The following LSAMP variants were observed in gnomAD, a reference collection of about 807,000 sequenced individuals.
LSAMP encodes limbic system associated membrane protein.
LSAMP carries 7 observed loss-of-function variants against 38.6 expected under a neutral mutation model. That is an observed-to-expected ratio of 0.18 (90% CI 0.10 to 0.34). The LOEUF (loss-of-function observed/expected upper bound fraction) is 0.34, where lower values mean the gene tolerates loss of function less well. Among genes scored for constraint, LSAMP ranks in the 10% least tolerant of loss-of-function variants. The pLI is 1.00. For missense variants in LSAMP, 313 were observed against 420.0 expected (o/e 0.75, Z 2.23); for synonymous variants, 154 against 166.8 (o/e 0.92, Z 0.59).
At chr3:116,133,091 G>A (rs1183499180) in intron 1 of LSAMP, among the ~76,000 whole-genome samples, 1 of 152,178 alleles carries the variant, frequency 6.6e-6, no homozygotes, top group Non-Finnish European at 1.5e-5. Flanking sequence ...ACAGGAAGCT[G>A]CAGAAAAAAG....
At chr3:116,434,813 G>C (rs2049326020) in intron 1 of LSAMP, among the ~76,000 whole-genome samples, 2 of 152,142 alleles carry the variant, frequency 1.3e-5, no homozygotes, top group South Asian at 4.1e-4. Flanking sequence ...GCCTCCCAAA[G>C]TGTTGGGATT....
intron 1 of LSAMP, among the ~76,000 whole-genome samples, chr3:116,292,250 T>C (rs2047276941): frequency 6.6e-6 from 1 of 152,172 alleles, no homozygotes; most frequent in Non-Finnish European, 1.5e-5. Context: ...AGTCCGTGCA[T>C]CAAGTCAACT....
chr3:116,444,473 C>A (rs2049478112), intron 1 of LSAMP, among the ~76,000 whole-genome samples: 1 of 150,246 alleles, frequency 6.7e-6, no homozygotes, highest in Admixed American at 6.6e-5. Flanking sequence ...CATAATCCAA[C>A]AACCTTTCTT....
chr3:116,204,542 A>G (rs6810008), intron 1 of LSAMP, among the ~76,000 whole-genome samples: 89,085 of 147,928 alleles, frequency 0.6, 27,566 homozygotes, highest in East Asian at 0.76. Context: ...TAGGTCTAAC[A>G]TTTAAGTCTT....
At chr3:116,209,309 T>C (rs2046119943) in intron 1 of LSAMP, among the ~76,000 whole-genome samples, 2 of 152,126 alleles carry the variant, frequency 1.3e-5, no homozygotes, top group Admixed American at 1.3e-4. Context: ...TGACACTCCC[T>C]AGTGAGATGA....
rs553857892 is a variant in LSAMP, at chr3:116,278,672, C to G, written c.155+166205G>C. Among the ~76,000 whole-genome samples the G allele has an allele frequency of 2.0e-5, 3 of 152,192 alleles. No individual in the cohort carries two copies. The South Asian group carries it at 6.2e-4, about 32-fold the overall frequency. On this transcript the variant is annotated intron_variant, in intron 1 of 6. Coordinates refer to ENST00000490035, the MANE Select transcript of LSAMP (RefSeq NM_002338.5). ...AACCCCTTTTGTGTCATGAAAATAT[C>G]TAGTAAAGTTAGCTCTTTTGATGAT...
intron 1 of LSAMP, among the ~76,000 whole-genome samples, chr3:116,225,118 C>A (rs28654844): frequency 0.064 from 9,616 of 151,170 alleles, 428 homozygotes; most frequent in Non-Finnish European, 0.087. Flanking sequence ...GTGGCCCCCA[C>A]AAAAGATATG....
At position 116,400,514 on chromosome 3, in the gene LSAMP, C is replaced by T. The variant is rs189192254; in HGVS notation, c.155+44363G>A. Reference sequence around the variant, plus strand: ...CTTTCTTGAGGTGGAGTTTCCCTCTCGTCACCCAGGCTGGAGTACAATGGC... The same window carrying T: ...CTTTCTTGAGGTGGAGTTTCCCTCTTGTCACCCAGGCTGGAGTACAATGGC... On this transcript the variant is annotated intron_variant, in intron 1 of 6. Coordinates refer to ENST00000490035, the MANE Select transcript of LSAMP (RefSeq NM_002338.5). Among the ~76,000 whole-genome samples, 577 of 145,636 alleles carry T rather than the reference C, an allele frequency of 4.0e-3. 4 individuals are homozygous for T. The highest frequency in any genetic ancestry group is 0.014 in the African/African-American group (546 of 39,980).
chr3:115,829,322 G>A (rs962753537), intron 6 of LSAMP, among the ~76,000 whole-genome samples: 15 of 152,122 alleles, frequency 9.9e-5, no homozygotes, highest in African/African-American at 3.6e-4. Flanking sequence ...TCCCGCTTGA[G>A]TCTCTAACCA....
chr3:116,224,271 C>A (rs41456847), intron 1 of LSAMP, among the ~76,000 whole-genome samples: 29,659 of 152,128 alleles, frequency 0.19, 2,952 homozygotes, highest in Admixed American at 0.24. Context: ...CTTAATTAGA[C>A]CCTTCACCCA....
intron 1 of LSAMP, among the ~76,000 whole-genome samples, chr3:116,173,422 A>T (rs922433113): frequency 6.6e-6 from 1 of 152,204 alleles, no homozygotes; most frequent in African/African-American, 2.4e-5. Context: ...ACAAAGATCC[A>T]TTAGAAAAAC....
intron 3 of LSAMP, among the ~76,000 whole-genome samples, chr3:115,935,822 C>T (rs1401407404): frequency 6.6e-6 from 1 of 152,126 alleles, no homozygotes; most frequent in African/African-American, 2.4e-5. Flanking sequence ...TGTCATGACA[C>T]TTCTTGGCTG....
intron 3 of LSAMP, among the ~76,000 whole-genome samples, chr3:115,928,408 A>G (rs1425217856): frequency 6.6e-6 from 1 of 152,224 alleles, no homozygotes; most frequent in Non-Finnish European, 1.5e-5. Context: ...GTGGATATGA[A>G]GAGAAGACAT....
intron 1 of LSAMP, among the ~76,000 whole-genome samples, chr3:116,250,698 C>CAAAAA (rs3974284): frequency 1.4e-5 from 2 of 141,884 alleles, no homozygotes; most frequent in African/African-American, 5.2e-5. Context: ...CTTGTATCTA[C>CAAAAA]AAAAAAAAAA....
chr3:116,142,044 A>C (rs1451039057), intron 1 of LSAMP, among the ~76,000 whole-genome samples: 1 of 152,034 alleles, frequency 6.6e-6, no homozygotes, highest in Non-Finnish European at 1.5e-5. Context: ...TCAGTGAGGC[A>C]AATCATGCTC....
intron 1 of LSAMP, among the ~76,000 whole-genome samples, chr3:116,375,722 T>C (rs924704165): frequency 6.7e-6 from 1 of 149,980 alleles, no homozygotes; most frequent in African/African-American, 2.4e-5. Flanking sequence ...ATAAAAATCA[T>C]CCTGAAATTA....
At chr3:115,900,512 C>CAA (rs5851983) in intron 3 of LSAMP, among the ~76,000 whole-genome samples, 50 of 74,236 alleles carry the variant, frequency 6.7e-4, no homozygotes, top group East Asian at 3.2e-3. Flanking sequence ...TGAGACTGTC[C>CAA]AAAAAAAAAA....
chr3:116,322,187 T>C (rs924980542), intron 1 of LSAMP, among the ~76,000 whole-genome samples: 9 of 152,316 alleles, frequency 5.9e-5, no homozygotes, highest in African/African-American at 2.2e-4. Context: ...TAGACACATC[T>C]GAGAGATTTC....
At chr3:116,346,096 T>C (rs924119126) in intron 1 of LSAMP, among the ~76,000 whole-genome samples, 7 of 152,168 alleles carry the variant, frequency 4.6e-5, no homozygotes, top group Non-Finnish European at 8.8e-5. Context: ...AATTACTATA[T>C]ATCCTAAAAG....
Sources: allele counts gnomAD v4.1 joint callset (sites outside exome capture counted in the v4.1 genomes callset), GRCh38; gene constraint gnomAD v4.1.1; transcripts MANE v1.5; gene names NCBI Gene and HGNC (gene_info 2026-07-23, HGNC 2026-07-21).